The following KIF13A variants were observed in gnomAD, a reference collection of about 807,000 sequenced individuals.
KIF13A encodes kinesin-like protein KIF13A.
In KIF13A, 79 loss-of-function variants were observed where a neutral mutation model predicts 212.2. The ratio of observed to expected loss-of-function variants is 0.37; its 90% CI spans 0.31 to 0.45. The LOEUF (loss-of-function observed/expected upper bound fraction) is 0.45. Ranked by LOEUF, KIF13A falls within the 20% of genes least tolerant of loss-of-function variation. KIF13A has a pLI of 1.00. For synonymous variants in KIF13A, 789 were observed against 808.6 expected, an observed-to-expected ratio of 0.98 and a Z score of 0.41; for missense variants, 1,901 against 2,209.0, an observed-to-expected ratio of 0.86 and a Z score of 2.79.
chr6:17,772,614 C>G lies in KIF13A; in HGVS notation c.4325-555G>C, dbSNP rs530976319. On this transcript the variant is annotated intron_variant, in intron 36 of 38. Transcript: ENST00000259711. The surrounding 1 kb of genome is among the most constrained non-coding windows in gnomAD (Gnocchi z 4.8). ...TCCAGCTTAAGCACCACTAACCAGA[C>G]CAATTTCAGCTCACGCTGATTTTCC... Among the ~76,000 whole-genome samples the G allele has an allele frequency of 1.3e-5, 2 of 152,236 alleles. No homozygotes were observed. The highest frequency in any genetic ancestry group is 4.1e-4 in the South Asian group (2 of 4,826).
In KIF13A at chr6:17,987,603, C is replaced by T. The variant is rs1781691640; in HGVS notation, c.-140G>A. 3.4e-6 allele frequency: 1 copy of T among 296,192 alleles called. No individual in the cohort carries two copies. The highest frequency in any genetic ancestry group is 2.3e-5 in the African/African-American group (1 of 43,088). 18.3% of individuals were successfully genotyped at this position (296,192 alleles called of 1,614,324 possible). Reference sequence around the variant, plus strand: ...CGCCGTGAGCTCCGAGAGGCAGCGCCGAGGCGCGCGGGCCATCCCGGGGGA... The same window carrying T: ...CGCCGTGAGCTCCGAGAGGCAGCGCTGAGGCGCGCGGGCCATCCCGGGGGA... On this transcript the variant is annotated 5_prime_UTR_variant, in exon 1 of 39. Coordinates refer to ENST00000259711, the MANE Select transcript of KIF13A (RefSeq NM_022113.6). The surrounding 1 kb of genome is among the most constrained non-coding windows in gnomAD (Gnocchi z 7.7).
rs1774402429 is a variant in KIF13A at position 17,915,348 on chromosome 6, C to T, written c.147-17168G>A. On this transcript the variant is annotated intron_variant, in intron 2 of 38. Transcript: ENST00000259711. This position sits in a 1 kb window ranked among gnomAD's most constrained non-coding sequence, Gnocchi z 4.4. ...GCTCTCAGTGCCTCAGTTACCTCAC[C>T]TGTCAAATAGAGCTGGTGTGGGGTT... Among the ~76,000 whole-genome samples the T allele has an allele frequency of 6.6e-6, 1 of 152,200 alleles. No individual in the cohort carries two copies. Among genetic ancestry groups the T allele is most frequent in the Non-Finnish European group, 1.5e-5 (1 of 68,040 alleles).
intron 17 of KIF13A, among the ~76,000 whole-genome samples, chr6:17,810,963 C>T (rs569365793): frequency 6.6e-6 from 1 of 152,296 alleles, no homozygotes; most frequent in African/African-American, 2.4e-5. Context: ...CGGACCCGTA[C>T]CAGTTTGTGG....
chr6:17,847,606 A>G (rs1767204355), intron 9 of KIF13A, among the ~76,000 whole-genome samples: 1 of 152,182 alleles, frequency 6.6e-6, no homozygotes, highest in Non-Finnish European at 1.5e-5. Flanking sequence ...CGAAACCCTA[A>G]GTTATTACAG....
rs762143079 is a variant in KIF13A at position 17,838,645 on chromosome 6, A to G, written c.831-1062T>C. ...AAGTGAAACAAGTCAAAAAAATTAA[A>G]ATAAAAATATATAAAAGAAACAAGT... On this transcript the variant is annotated intron_variant, in intron 9 of 38. Coordinates refer to ENST00000259711, the MANE Select transcript of KIF13A (RefSeq NM_022113.6). This position sits in a 1 kb window ranked among gnomAD's most constrained non-coding sequence, Gnocchi z 4.2. 3.9e-5 allele frequency among the ~76,000 whole-genome samples: 6 copies of G among 152,186 alleles called. No individual in the cohort carries two copies. Among genetic ancestry groups the G allele is most frequent in the Non-Finnish European group, 7.3e-5 (5 of 68,034 alleles).
In KIF13A at chr6:17,938,069, T is replaced by A. The variant is rs904111271; in HGVS notation, c.147-39889A>T. ...CGCCCTAATTACATAATTTTAAAATTTTTTTTGTAGAGATGGGGACTCACT... is the reference window on the plus strand; with the variant it reads ...CGCCCTAATTACATAATTTTAAAATATTTTTTGTAGAGATGGGGACTCACT... On this transcript the variant is annotated intron_variant, in intron 2 of 38. Coordinates refer to ENST00000259711, the MANE Select transcript of KIF13A (RefSeq NM_022113.6). Among the ~76,000 whole-genome samples the A allele has an allele frequency of 2.2e-3, 16 of 7,152 alleles. No homozygotes were observed. The African/African-American group carries it at 0.026, about 11-fold the overall frequency. The allele number at this position is 7,152 out of a possible 152,430, so 4.7% of individuals were successfully genotyped here.
intron 3 of KIF13A, chr6:17,881,529 T>C (rs1470885276): frequency 2.4e-6 from 1 of 422,590 alleles, no homozygotes; most frequent in Non-Finnish European, 4.6e-6. Context: ...AAACCCTGTC[T>C]CTACTAAATA....
chr6:17,796,105 C>T (rs972315204), intron 23 of KIF13A, among the ~76,000 whole-genome samples: 17 of 150,898 alleles, frequency 1.1e-4, no homozygotes, highest in African/African-American at 3.9e-4. Context: ...ATTTTACAAA[C>T]GAGGAAATAG....
intron 2 of KIF13A, chr6:17,950,896 C>G: frequency 1.0e-6 from 1 of 983,424 alleles, no homozygotes; most frequent in Non-Finnish European, 1.2e-6. Context: ...TAATTAGAAA[C>G]AACCGTATCC....
In KIF13A at chr6:17,828,272, T is replaced by C. The variant is rs751894920; in HGVS notation, c.1500A>G (p.Gly500=). 1 of 1,610,324 alleles carries C rather than the reference T, an allele frequency of 6.2e-7. No homozygotes were observed. Among genetic ancestry groups the C allele is most frequent in the Non-Finnish European group, 8.5e-7 (1 of 1,178,092 alleles). Residue 500 remains glycine, a synonymous_variant, in exon 14 of 39, where the codon GGA becomes GGG. Transcript: ENST00000259711. This position sits in a 1 kb window ranked among gnomAD's most constrained non-coding sequence, Gnocchi z 4.3. ...TTTCTTTTGGAGTGAGAGTGACGTC[T>C]CCATCAGATGCAATGTCAATCTCAC... is the stretch of plus-strand genomic sequence containing the variant. ...QHCEIDIASD[G]DVTLTPKENA... is the part of the protein sequence containing the mutation.
chr6:17,903,666 A>C (rs1773244640), intron 2 of KIF13A, among the ~76,000 whole-genome samples: 1 of 152,198 alleles, frequency 6.6e-6, no homozygotes. Flanking sequence ...GGTCAAGAAG[A>C]GAGAGGATCT....
intron 16 of KIF13A, chr6:17,822,043 C>CATTTT: frequency 1.2e-5 from 7 of 585,332 alleles, no homozygotes; most frequent in Middle Eastern, 5.1e-4. Flanking sequence ...AACATAACTT[C>CATTTT]TTTTTTTTTT....
Position 17,940,912 on chromosome 6 carries a change from G to C in KIF13A, c.147-42732C>G, listed in dbSNP as rs555444574. On this transcript the variant is annotated intron_variant, in intron 2 of 38. Transcript: ENST00000259711. Reference sequence around the variant, plus strand: ...GCAATCTCGGCTCACCACAACCTCTGCCTCCTGGGTTCAAGTGATTCTCTT... The same window carrying C: ...GCAATCTCGGCTCACCACAACCTCTCCCTCCTGGGTTCAAGTGATTCTCTT... Among the ~76,000 whole-genome samples, 28 of 148,164 alleles carry C rather than the reference G, an allele frequency of 1.9e-4. No homozygotes were observed. In the South Asian group the frequency reaches 5.7e-3, roughly 30 times the overall value.
At chr6:17,860,340 C>G (rs562263414) in intron 4 of KIF13A, among the ~76,000 whole-genome samples, 3 of 152,166 alleles carry the variant, frequency 2.0e-5, no homozygotes, top group South Asian at 2.1e-4. Context: ...AGGGGCCCAC[C>G]ACCAAGTCCA....
chr6:17,981,486 A>C (rs1031725808), intron 2 of KIF13A, among the ~76,000 whole-genome samples: 1 of 146,828 alleles, frequency 6.8e-6, no homozygotes. Flanking sequence ...GTGCAGTGAC[A>C]TGATCTCGGC....
chr6:17,894,270 T>A (rs1772359094), intron 3 of KIF13A, among the ~76,000 whole-genome samples: 1 of 152,116 alleles, frequency 6.6e-6, no homozygotes, highest in Middle Eastern at 3.4e-3. Flanking sequence ...TAGCTAGGAC[T>A]ACAGGCATAC....
intron 3 of KIF13A, among the ~76,000 whole-genome samples, chr6:17,884,679 G>A (rs1296693666): frequency 2.0e-5 from 3 of 152,208 alleles, no homozygotes; most frequent in African/African-American, 7.2e-5. Flanking sequence ...AAAAAAGTCT[G>A]CTCTATGTGG....
chr6:17,800,264 G>A (rs1050466971), intron 20 of KIF13A, among the ~76,000 whole-genome samples, 151 bp from the exon 21 acceptor site: 2 of 151,988 alleles, frequency 1.3e-5, no homozygotes, highest in Admixed American at 1.3e-4. Context: ...GCTACTACCA[G>A]AGCAGTCCAT....
At chr6:17,827,520 T>C (rs1401127593) in intron 14 of KIF13A, among the ~76,000 whole-genome samples, 1 of 151,792 alleles carries the variant, frequency 6.6e-6, no homozygotes, top group East Asian at 1.9e-4. Flanking sequence ...TCTACATTTT[T>C]TTTTTTTTTT....
Sources: allele counts gnomAD v4.1 joint callset (sites outside exome capture counted in the v4.1 genomes callset), GRCh38; gene constraint gnomAD v4.1.1; non-coding constraint Gnocchi (gnomAD v3.1); transcripts MANE v1.5; gene names NCBI Gene and HGNC (gene_info 2026-07-23, HGNC 2026-07-21).